Variants in CADM2 observed in about 807,000 individuals in gnomAD.
CADM2 encodes the protein cell adhesion molecule 2, also known as immunoglobulin superfamily member 4D.
Under a neutral mutation model 49.8 loss-of-function variants are expected in CADM2, and 12 were observed. The observed-to-expected ratio is 0.24, with a 90% CI of 0.15 to 0.39. The LOEUF is 0.39. Among genes scored for constraint, CADM2 ranks in the 10% least tolerant of loss-of-function variants. The pLI, the probability that CADM2 is intolerant of heterozygous loss-of-function variation, is 1.00. For synonymous variants in CADM2, 214 were observed against 175.4 expected, an observed-to-expected ratio of 1.22 and a Z score of -1.74; for missense variants, 378 against 492.3, an observed-to-expected ratio of 0.77 and a Z score of 2.20.
chr3:85,363,869 C>T (rs1285102719), intron 1 of CADM2, among the ~76,000 whole-genome samples: 1 of 152,196 alleles, frequency 6.6e-6, no homozygotes, highest in Non-Finnish European at 1.5e-5. Context: ...CCTCGGCCTC[C>T]TAAAGTGCTG....
chr3:85,581,305 G>A (rs1040782858), intron 1 of CADM2, among the ~76,000 whole-genome samples: 6 of 151,828 alleles, frequency 4.0e-5, no homozygotes, highest in Non-Finnish European at 8.8e-5. Context: ...TCTATTTTGA[G>A]GAAGAAGCTA....
intron 1 of CADM2, among the ~76,000 whole-genome samples, chr3:85,673,502 A>T (rs997637345): frequency 1.3e-5 from 2 of 151,562 alleles, no homozygotes; most frequent in Non-Finnish European, 2.9e-5. Context: ...TAAAAAAAAA[A>T]AAAACCTGCC....
At chr3:85,895,557 G>A (rs574431262) in intron 5 of CADM2, among the ~76,000 whole-genome samples, 1 of 152,148 alleles carries the variant, frequency 6.6e-6, no homozygotes, top group African/African-American at 2.4e-5. Context: ...GACTTCAGGG[G>A]ACTGTTGGGA....
intron 1 of CADM2, among the ~76,000 whole-genome samples, chr3:85,479,867 T>C (rs1402957139): frequency 6.6e-6 from 1 of 151,960 alleles, no homozygotes; most frequent in Non-Finnish European, 1.5e-5. Flanking sequence ...AGAAGTCTAG[T>C]TGAATTTGGA....
intron 8 of CADM2, chr3:85,979,286 A>C: frequency 6.2e-7 from 1 of 1,609,836 alleles, no homozygotes; most frequent in Non-Finnish European, 8.5e-7. Flanking sequence ...CATCAGAGGT[A>C]CAGTATGTTT....
rs1182389111 is a variant in CADM2, at chr3:86,068,210, CTCTT to C, written c.*1431_*1434del. 3 of 152,302 alleles carry C rather than the reference CTCTT, an allele frequency of 2.0e-5. No homozygotes were observed. The highest frequency in any genetic ancestry group is 4.4e-5 in the Non-Finnish European group (3 of 67,838). The allele number at this position is 152,302 out of a possible 1,614,324, so 9.4% of individuals were successfully genotyped here. On this transcript the variant is annotated 3_prime_UTR_variant, in exon 10 of 10. Coordinates refer to ENST00000383699, the MANE Select transcript of CADM2 (RefSeq NM_001167675.2). ...ATGCTTTTAACTCCAAAGTGAAAGT[CTCTT>C]TCTCTGGATTATTTTAAAATTTTGG...
intron 1 of CADM2, among the ~76,000 whole-genome samples, chr3:85,006,477 A>G (rs1403323805): frequency 1.3e-5 from 2 of 152,212 alleles, no homozygotes. Flanking sequence ...AATTAAACAT[A>G]TGACTTATTC....
At chr3:86,020,922 T>G (rs1329634038) in intron 8 of CADM2, among the ~76,000 whole-genome samples, 1 of 152,122 alleles carries the variant, frequency 6.6e-6, no homozygotes, top group Non-Finnish European at 1.5e-5. Flanking sequence ...CTTTGAAAAC[T>G]GGCACAAGAC....
chr3:85,999,900 A>T (rs1371741110), intron 8 of CADM2, among the ~76,000 whole-genome samples: 1 of 152,198 alleles, frequency 6.6e-6, no homozygotes, highest in Non-Finnish European at 1.5e-5. Context: ...AGGACAACGT[A>T]AATTCAGTTA....
chr3:85,468,752 C>G (rs577165743), intron 1 of CADM2, among the ~76,000 whole-genome samples: 1 of 152,002 alleles, frequency 6.6e-6, no homozygotes, highest in African/African-American at 2.4e-5. Flanking sequence ...GGTGGTGATA[C>G]CAGAATACAC....
chr3:85,243,235 G>T (rs2042571555), intron 1 of CADM2, among the ~76,000 whole-genome samples: 1 of 151,680 alleles, frequency 6.6e-6, no homozygotes, highest in Non-Finnish European at 1.5e-5. Context: ...TTAATTAGTT[G>T]TTAAATATTC....
intron 1 of CADM2, among the ~76,000 whole-genome samples, chr3:85,342,147 A>G (rs1019411043): frequency 6.6e-6 from 1 of 152,150 alleles, no homozygotes. Context: ...ATCTAAAAAG[A>G]TATTTAAAAA....
At chr3:85,842,584 G>A (rs1028835609) in intron 3 of CADM2, among the ~76,000 whole-genome samples, 1 of 151,996 alleles carries the variant, frequency 6.6e-6, no homozygotes, top group African/African-American at 2.4e-5. Context: ...CTTCCCTACC[G>A]ATGAGGTAAC....
chr3:85,903,539 T>C (rs547470446), intron 5 of CADM2, among the ~76,000 whole-genome samples: 161 of 152,296 alleles, frequency 1.1e-3, no homozygotes, highest in African/African-American at 3.5e-3. Flanking sequence ...CTGACCTTCA[T>C]TGGTTTTGAT....
chr3:85,658,839 C>T (rs1192575182), intron 1 of CADM2, among the ~76,000 whole-genome samples: 2 of 149,640 alleles, frequency 1.3e-5, no homozygotes, highest in African/African-American at 2.4e-5. Context: ...TCACTTAATG[C>T]CAGGAGATGG....
rs146400526 is a variant in CADM2, at chr3:85,524,103, G to C, written c.62-202419G>C. Reference sequence around the variant, plus strand: ...CCTGTAATCAAACTAGGAATGTCTTGCCTTTGTGAGTTACCATCCCCAAAA... The same window carrying C: ...CCTGTAATCAAACTAGGAATGTCTTCCCTTTGTGAGTTACCATCCCCAAAA... On this transcript the variant is annotated intron_variant, in intron 1 of 9. Coordinates refer to ENST00000383699, the MANE Select transcript of CADM2 (RefSeq NM_001167675.2). 2.3e-3 allele frequency among the ~76,000 whole-genome samples: 345 copies of C among 152,208 alleles called. 1 individual carries two copies. The highest frequency in any genetic ancestry group is 7.8e-3 in the African/African-American group (325 of 41,544).
chr3:85,466,125 A>G (rs540453479), intron 1 of CADM2, among the ~76,000 whole-genome samples: 4 of 152,280 alleles, frequency 2.6e-5, no homozygotes, highest in South Asian at 4.1e-4. Flanking sequence ...CTTATTTTCA[A>G]AATTATCTTG....
chr3:85,636,278 T>C (rs1431958993), intron 1 of CADM2, among the ~76,000 whole-genome samples: 2 of 152,128 alleles, frequency 1.3e-5, no homozygotes, highest in African/African-American at 4.8e-5. Context: ...CCTGACCCTG[T>C]GTATGCCTAG....
chr3:86,008,594 T>C (rs1731082604), intron 8 of CADM2, among the ~76,000 whole-genome samples: 1 of 152,040 alleles, frequency 6.6e-6, no homozygotes, highest in South Asian at 2.1e-4. Flanking sequence ...GAAATGACAA[T>C]TTCAAAGGAT....
Sources: gnomAD v4.1 joint callset for allele counts (sites outside exome capture counted in the v4.1 genomes callset) on GRCh38, gnomAD v4.1.1 for gene constraint, MANE v1.5 for transcripts, NCBI Gene and HGNC (gene_info 2026-07-23, HGNC 2026-07-21) for gene names.